EPHA6: variants seen among roughly 807,000 people sequenced by gnomAD.
EPHA6 encodes EPH receptor A6.
Under a neutral mutation model 112.0 loss-of-function variants are expected in EPHA6, and 50 were observed. The ratio of observed to expected loss-of-function variants is 0.45; its 90% CI spans 0.36 to 0.56. The LOEUF (loss-of-function observed/expected upper bound fraction) is 0.56, where lower values mean the gene tolerates loss of function less well. Ranked by LOEUF, EPHA6 falls within the 20% of genes least tolerant of loss-of-function variation. The probability of loss-of-function intolerance (pLI) is 0.00; values close to 1 mark genes in which losing one functional copy is unlikely to be tolerated. For missense variants in EPHA6, 1,280 were observed against 1,417.4 expected, an observed-to-expected ratio of 0.90 and a Z score of 1.56; for synonymous variants, 529 against 490.7, an observed-to-expected ratio of 1.08 and a Z score of -1.03.
At chr3:97,608,088 TA>T (rs146763222) in intron 12 of EPHA6, among the ~76,000 whole-genome samples, 1,571 of 140,370 alleles carry the variant, frequency 0.011, 13 homozygotes, top group East Asian at 0.065. Flanking sequence ...GGAGCAATAG[TA>T]AAAAAAAAAA....
intron 3 of EPHA6, among the ~76,000 whole-genome samples, chr3:97,205,874 A>T (rs1351500346): frequency 6.6e-6 from 1 of 152,108 alleles, no homozygotes; most frequent in Non-Finnish European, 1.5e-5. Context: ...ATTATGCATC[A>T]TCTCAACAGA....
chr3:97,439,367 A>T (rs1013419335), intron 6 of EPHA6, among the ~76,000 whole-genome samples: 1 of 152,156 alleles, frequency 6.6e-6, no homozygotes. Flanking sequence ...TTACTTATAC[A>T]TATTTTGCAA....
intron 3 of EPHA6, among the ~76,000 whole-genome samples, chr3:97,173,323 T>C (rs900700432): frequency 6.6e-6 from 1 of 151,910 alleles, no homozygotes; most frequent in Non-Finnish European, 1.5e-5. Flanking sequence ...AAAGAACTAG[T>C]GGAAATGTCT....
chr3:97,175,276 A>G (rs1232526616), intron 3 of EPHA6, among the ~76,000 whole-genome samples: 1 of 151,918 alleles, frequency 6.6e-6, no homozygotes, highest in Non-Finnish European at 1.5e-5. Context: ...TCATGCCAGT[A>G]CCATGCTGTT....
intron 2 of EPHA6, among the ~76,000 whole-genome samples, chr3:96,950,172 C>A (rs1252922288): frequency 1.3e-5 from 2 of 151,816 alleles, no homozygotes; most frequent in African/African-American, 2.4e-5. Flanking sequence ...CATCTTTCCC[C>A]ATTAGTCTAA....
intron 5 of EPHA6, among the ~76,000 whole-genome samples, chr3:97,306,945 T>G (rs2081346065): frequency 6.6e-6 from 1 of 151,748 alleles, no homozygotes; most frequent in African/African-American, 2.4e-5. Context: ...AGGTCAAATT[T>G]TGCTGTTACC....
rs1482370855 is a variant in EPHA6 at position 97,140,134 on chromosome 3, C to A, written c.1115-86130C>A. Among the ~76,000 whole-genome samples the A allele has an allele frequency of 4.6e-5, 7 of 151,344 alleles. No homozygotes were observed. In the South Asian group the frequency reaches 1.5e-3, roughly 32 times the overall value. The stretch of plus-strand genomic sequence containing the variant: ...CTGGAAGGCAAATCTTTTGAATTAA[C>A]CTAGTCAGATAAAAATTAGAAAAAA... On this transcript the variant is annotated intron_variant, in intron 3 of 17. Coordinates refer to ENST00000389672, the MANE Select transcript of EPHA6 (RefSeq NM_001080448.3).
At chr3:97,486,800 G>A (rs370388747) in intron 10 of EPHA6, among the ~76,000 whole-genome samples, 1 of 152,194 alleles carries the variant, frequency 6.6e-6, no homozygotes, top group Non-Finnish European at 1.5e-5. Flanking sequence ...AAGTGTGAAC[G>A]TATTCCATAG....
rs2040217344 is a variant in EPHA6, at chr3:96,929,671, T to C, written c.451-57659T>C. Among the ~76,000 whole-genome samples the C allele has an allele frequency of 6.6e-5, 10 of 152,318 alleles. No homozygotes were observed. The South Asian group carries it at 2.1e-3, about 32-fold the overall frequency. ...TGCTCTTAACATTTTTTCTTTCATT[T>C]CAACCTTGAAGACTGTGATGATTAT... On this transcript the variant is annotated intron_variant, in intron 2 of 17. Coordinates refer to ENST00000389672, the MANE Select transcript of EPHA6 (RefSeq NM_001080448.3).
At chr3:96,918,992 A>G (rs1309675258) in intron 2 of EPHA6, among the ~76,000 whole-genome samples, 2 of 151,996 alleles carry the variant, frequency 1.3e-5, no homozygotes, top group African/African-American at 4.8e-5. Flanking sequence ...GAAATCTTAA[A>G]TCATAATTGA....
chr3:97,747,434 C>A lies in EPHA6; in HGVS notation c.3140C>A (p.Ser1047Tyr). 6.4e-7 allele frequency: 1 copy of A among 1,558,834 alleles called. No homozygotes were observed. The highest frequency in any genetic ancestry group is 1.2e-5 in the South Asian group (1 of 83,798). The change falls in exon 17 of 18, where the codon TCC becomes TAC. Residue 1047 changes from serine (S) to tyrosine (Y), a missense_variant. By Grantham distance (144) the Ser-to-Tyr change is moderately radical. Transcript: ENST00000389672. The stretch of plus-strand genomic sequence containing the variant: ...TTGTTTTCTTACAGAATGCCAGAGT[C>A]CCCTGGTGAAGTTCCGGAATATCCT... ...LVEDILVMPE[S>Y]PGEVPEYPLF...
At chr3:97,602,922 T>C (rs1268823623) in intron 12 of EPHA6, among the ~76,000 whole-genome samples, 3 of 152,020 alleles carry the variant, frequency 2.0e-5, no homozygotes, top group Non-Finnish European at 2.9e-5. Flanking sequence ...GCTGTGTTTT[T>C]TTATTGCTTC....
At chr3:97,400,624 A>G (rs966516740) in intron 5 of EPHA6, among the ~76,000 whole-genome samples, 4 of 151,528 alleles carry the variant, frequency 2.6e-5, no homozygotes, top group African/African-American at 7.3e-5. Context: ...AGTTTTTATT[A>G]TAGAGATTTT....
intron 14 of EPHA6, among the ~76,000 whole-genome samples, chr3:97,703,170 T>C (rs988491986): frequency 6.6e-6 from 1 of 152,134 alleles, no homozygotes; most frequent in African/African-American, 2.4e-5. Context: ...AAGAAGCCAT[T>C]TGGGAAGAGC....
chr3:97,133,815 A>G (rs1433486391), intron 3 of EPHA6, among the ~76,000 whole-genome samples: 4 of 152,010 alleles, frequency 2.6e-5, no homozygotes, highest in Non-Finnish European at 4.4e-5. Context: ...AAAGAAGTCA[A>G]AAGTGTCTTC....
At chr3:96,941,751 G>A (rs1214968137) in intron 2 of EPHA6, among the ~76,000 whole-genome samples, 1 of 152,128 alleles carries the variant, frequency 6.6e-6, no homozygotes, top group East Asian at 1.9e-4. Flanking sequence ...GGTCTTTGAT[G>A]ATGGTGACGT....
At chr3:97,719,619 C>A (rs2034436648) in intron 14 of EPHA6, among the ~76,000 whole-genome samples, 1 of 151,766 alleles carries the variant, frequency 6.6e-6, no homozygotes, top group African/African-American at 2.4e-5. Flanking sequence ...CAATTTAATT[C>A]CTTTAATATG....
intron 7 of EPHA6, among the ~76,000 whole-genome samples, chr3:97,474,923 A>G (rs1188853051): frequency 6.6e-6 from 1 of 152,108 alleles, no homozygotes; most frequent in Non-Finnish European, 1.5e-5. Context: ...AAAAGGAATT[A>G]TACAGTAGTC....
chr3:97,319,093 C>T (rs563871273), intron 5 of EPHA6, among the ~76,000 whole-genome samples: 1 of 151,520 alleles, frequency 6.6e-6, no homozygotes, highest in African/African-American at 2.4e-5. Flanking sequence ...TCTCTTACGA[C>T]ATCACTTGTA....
Sources: gnomAD v4.1 joint callset for allele counts (sites outside exome capture counted in the v4.1 genomes callset) on GRCh38, gnomAD v4.1.1 for gene constraint, MANE v1.5 for transcripts, NCBI Gene and HGNC (gene_info 2026-07-23, HGNC 2026-07-21) for gene names.